The following MGAT5 variants were observed in gnomAD, a reference collection of about 807,000 sequenced individuals.
MGAT5 encodes the protein alpha-1,6-mannosylglycoprotein 6-beta-N-acetylglucosaminyltransferase.
MGAT5 carries 30 observed loss-of-function variants against 94.3 expected under a neutral mutation model. The ratio of observed to expected loss-of-function variants is 0.32; its 90% CI spans 0.24 to 0.43. MGAT5 has a LOEUF of 0.43. MGAT5 is among the 20% of genes least tolerant of loss of function. MGAT5 has a pLI of 1.00. For missense variants in MGAT5, 691 were observed against 905.5 expected, an observed-to-expected ratio of 0.76 and a Z score of 3.04; for synonymous variants, 310 against 322.9, an observed-to-expected ratio of 0.96 and a Z score of 0.43.
At chr2:134,120,776 G>A (rs1191408108) in intron 1 of MGAT5, among the ~76,000 whole-genome samples, 2 of 151,946 alleles carry the variant, frequency 1.3e-5, no homozygotes. Flanking sequence ...GCTCGGCCAG[G>A]GGCCAGTGGG....
Position 134,158,687 on chromosome 2 carries a change from C to G in MGAT5, c.-143+38396C>G, listed in dbSNP as rs567881595. 9.2e-5 allele frequency among the ~76,000 whole-genome samples: 14 copies of G among 152,302 alleles called. No individual in the cohort carries two copies. In the East Asian group the frequency reaches 1.2e-3, roughly 13 times the overall value. On this transcript the variant is annotated intron_variant, in intron 1 of 16. Coordinates refer to the MGAT5 transcript ENST00000409645. ...AGGGGGAGGGGCTCTTGCCTGTTCC[C>G]GTCTCCCGCTGGCTGCCCTGTCCCA...
chr2:134,410,478 A>G (rs950599587), intron 11 of MGAT5, among the ~76,000 whole-genome samples: 1 of 152,238 alleles, frequency 6.6e-6, no homozygotes, highest in African/African-American at 2.4e-5. Flanking sequence ...GTATTTGCTT[A>G]GGCTTCATTC....
At chr2:134,217,238 G>GGTTGT (rs1680544492) in intron 1 of MGAT5, among the ~76,000 whole-genome samples, 1 of 145,226 alleles carries the variant, frequency 6.9e-6, no homozygotes, top group South Asian at 2.2e-4. Context: ...GAGAGAGAGT[G>GGTTGT]GTGTGTGTGT....
At chr2:134,243,780 C>T (rs1405970581) in intron 1 of MGAT5, among the ~76,000 whole-genome samples, 1 of 152,108 alleles carries the variant, frequency 6.6e-6, no homozygotes, top group Non-Finnish European at 1.5e-5. Flanking sequence ...CCCTTTTCTG[C>T]AAATAGGGCA....
intron 2 of MGAT5, among the ~76,000 whole-genome samples, chr2:134,311,032 T>C (rs1686622355): frequency 6.6e-6 from 1 of 152,226 alleles, no homozygotes; most frequent in South Asian, 2.1e-4. Flanking sequence ...CTACCTTGTC[T>C]GACACAAAAT....
At chr2:134,409,003 C>T (rs1246354924) in intron 11 of MGAT5, among the ~76,000 whole-genome samples, 1 of 152,114 alleles carries the variant, frequency 6.6e-6, no homozygotes, top group African/African-American at 2.4e-5. Flanking sequence ...TATCCCTCCC[C>T]GTTTTTTAGT....
At chr2:134,151,711 C>T (rs1687192207) in intron 1 of MGAT5, among the ~76,000 whole-genome samples, 1 of 143,382 alleles carries the variant, frequency 7.0e-6, no homozygotes, top group Admixed American at 6.8e-5. Context: ...CTCACCCATG[C>T]CCTGTGGGAC....
chr2:134,322,104 A>T (rs1350516960), intron 4 of MGAT5, among the ~76,000 whole-genome samples: 2 of 152,152 alleles, frequency 1.3e-5, no homozygotes, highest in African/African-American at 4.8e-5. Context: ...TTCTTCCTTT[A>T]TGAAATAATA....
At chr2:134,127,838 C>T (rs1685918436) in intron 1 of MGAT5, among the ~76,000 whole-genome samples, 1 of 152,162 alleles carries the variant, frequency 6.6e-6, no homozygotes, top group Non-Finnish European at 1.5e-5. Flanking sequence ...CACTCAGCTA[C>T]TTTAGTTTCT....
At chr2:134,343,850 C>T (rs962333218) in intron 7 of MGAT5, among the ~76,000 whole-genome samples, 11 of 152,182 alleles carry the variant, frequency 7.2e-5, no homozygotes, top group African/African-American at 1.4e-4. Flanking sequence ...CATTCCACAA[C>T]GGGAGAATGG....
At chr2:134,201,398 A>G (rs1295199954) in intron 1 of MGAT5, among the ~76,000 whole-genome samples, 1 of 152,048 alleles carries the variant, frequency 6.6e-6, no homozygotes, top group African/African-American at 2.4e-5. Context: ...ATTTTTCTGT[A>G]TCTTTTCTAT....
intron 11 of MGAT5, among the ~76,000 whole-genome samples, chr2:134,404,746 G>A (rs1266980254): frequency 1.3e-5 from 2 of 152,186 alleles, no homozygotes; most frequent in African/African-American, 2.4e-5. Context: ...ATTGGCCAAA[G>A]ACCTGGTTTG....
intron 1 of MGAT5, among the ~76,000 whole-genome samples, chr2:134,220,886 C>T (rs1680727837): frequency 6.6e-6 from 1 of 152,172 alleles, no homozygotes; most frequent in Non-Finnish European, 1.5e-5. Flanking sequence ...AAATCTCTTT[C>T]GCATTTGTTT....
At chr2:134,274,059 G>A (rs577819481) in intron 2 of MGAT5, among the ~76,000 whole-genome samples, 13 of 152,284 alleles carry the variant, frequency 8.5e-5, no homozygotes, top group Middle Eastern at 3.4e-3. Context: ...GAAGTGGAGC[G>A]AATAGGATTG....
At chr2:134,120,263 C>T in exon 1 of MGAT5, 1 of 386,286 alleles carries the variant, frequency 2.6e-6, no homozygotes, top group Non-Finnish European at 4.6e-6. Context: ...GGCGGGTGCT[C>T]CCGGCTGCTG....
At chr2:134,299,287 G>A (rs1403917149) in intron 2 of MGAT5, among the ~76,000 whole-genome samples, 2 of 152,190 alleles carry the variant, frequency 1.3e-5, no homozygotes, top group Non-Finnish European at 2.9e-5. Flanking sequence ...CCAATTAGAG[G>A]ATGGTCAAAG....
At chr2:134,139,639 C>T (rs1256769230) in intron 1 of MGAT5, among the ~76,000 whole-genome samples, 1 of 152,192 alleles carries the variant, frequency 6.6e-6, no homozygotes, top group East Asian at 1.9e-4. Context: ...AAAAACCTCG[C>T]ACAGTATCGC....
intron 1 of MGAT5, among the ~76,000 whole-genome samples, chr2:134,162,054 G>A (rs886317042): frequency 2.0e-5 from 3 of 151,924 alleles, no homozygotes; most frequent in African/African-American, 7.3e-5. Flanking sequence ...GCTGGTCATG[G>A]TGGTGCACGC....
At chr2:134,165,044 T>C (rs1216459473) in intron 1 of MGAT5, among the ~76,000 whole-genome samples, 1 of 152,206 alleles carries the variant, frequency 6.6e-6, no homozygotes, top group Non-Finnish European at 1.5e-5. Context: ...TGGTAGAACT[T>C]TCTGTGGTGA....
Sources: allele counts gnomAD v4.1 joint callset (sites outside exome capture counted in the v4.1 genomes callset), GRCh38; gene constraint gnomAD v4.1.1; transcripts MANE v1.5; gene names NCBI Gene and HGNC (gene_info 2026-07-23, HGNC 2026-07-21).